TBC1D9: variants seen among roughly 807,000 people sequenced by gnomAD.
TBC1D9 encodes TBC1 domain family member 9, also known as TBC1 domain family member 9A.
A neutral mutation model predicts 132.0 loss-of-function variants in TBC1D9; 63 were observed. That is an observed-to-expected ratio of 0.48 (90% CI 0.39 to 0.59). The LOEUF (loss-of-function observed/expected upper bound fraction) is 0.59, where lower values mean the gene tolerates loss of function less well. TBC1D9 is among the 20% of genes least tolerant of loss of function. The probability of loss-of-function intolerance (pLI) is 0.00; values close to 1 mark genes in which losing one functional copy is unlikely to be tolerated. For synonymous variants in TBC1D9, 610 were observed against 609.9 expected, an observed-to-expected ratio of 1.00 and a Z score of 0.00; for missense variants, 1,261 against 1,592.7, an observed-to-expected ratio of 0.79 and a Z score of 3.54.
intron 1 of TBC1D9, among the ~76,000 whole-genome samples, chr4:140,703,447 C>T (rs76079371): frequency 0.023 from 3,539 of 152,272 alleles, 79 homozygotes; most frequent in Admixed American, 0.06. Flanking sequence ...AACTCATGTT[C>T]GGAAGAGCTC....
At chr4:140,751,722 T>A (rs1471873603) in intron 1 of TBC1D9, among the ~76,000 whole-genome samples, 3 of 152,348 alleles carry the variant, frequency 2.0e-5, no homozygotes, top group Admixed American at 6.5e-5. Context: ...ACATATTTTT[T>A]AAATTTCTAC....
intron 13 of TBC1D9, chr4:140,643,462 G>T: frequency 1.1e-6 from 1 of 906,908 alleles, no homozygotes; most frequent in East Asian, 2.5e-5. Flanking sequence ...GCCTCTTCCA[G>T]GTAGCAGGTG....
rs1473796968 is a variant in TBC1D9, at chr4:140,701,565, G to A, written c.180C>T (p.Val60=). 6.2e-6 allele frequency: 10 copies of A among 1,613,920 alleles called. No homozygotes were observed. Among genetic ancestry groups the A allele is most frequent in the Non-Finnish European group, 8.5e-6 (10 of 1,179,864 alleles). ...LDVVLDSSAR[V]APYRILYQTP... is the part of the protein sequence containing the mutation. ...TCTGGTACAAGATTCGGTAAGGAGC[G>A]ACCCGGGCGCTGGAGTCCAACACAA... The change falls in exon 2 of 21, where the codon GTC becomes GTT. Residue 60 remains valine, a synonymous_variant. Coordinates refer to ENST00000442267, the MANE Select transcript of TBC1D9 (RefSeq NM_015130.3).
chr4:140,681,322 C>T (rs1737699825), intron 3 of TBC1D9, among the ~76,000 whole-genome samples: 1 of 152,148 alleles, frequency 6.6e-6, no homozygotes, highest in Non-Finnish European at 1.5e-5. Flanking sequence ...ATTCTTTTCC[C>T]CCCACATGAA....
chr4:140,754,987 G>T (rs975522996), intron 1 of TBC1D9, among the ~76,000 whole-genome samples: 2 of 152,184 alleles, frequency 1.3e-5, no homozygotes, highest in Non-Finnish European at 2.9e-5. Context: ...GATATATGAG[G>T]TTGATATAAG....
At chr4:140,710,389 A>G (rs766911884) in intron 1 of TBC1D9, among the ~76,000 whole-genome samples, 24 of 152,300 alleles carry the variant, frequency 1.6e-4, no homozygotes, top group Non-Finnish European at 3.1e-4. Flanking sequence ...TAGAATTTTA[A>G]GCAGTATTCT....
chr4:140,635,561 GGA>G (rs1736866650), intron 15 of TBC1D9, among the ~76,000 whole-genome samples: 1 of 152,186 alleles, frequency 6.6e-6, no homozygotes. Flanking sequence ...CTGAAAAAGA[GGA>G]GAGTCAATTG....
At chr4:140,669,211 T>C (rs1205292264) in intron 8 of TBC1D9, 144 bp from the exon 9 acceptor site, 1 of 821,474 alleles carries the variant, frequency 1.2e-6, no homozygotes, top group Non-Finnish European at 1.9e-6. Flanking sequence ...TCAGATTTTC[T>C]GGAGTTCTTC....
At chr4:140,657,068 GC>G in intron 13 of TBC1D9, 28 bp downstream of exon 13, 1 of 1,610,692 alleles carries the variant, frequency 6.2e-7, no homozygotes, top group Non-Finnish European at 8.5e-7. Flanking sequence ...GCATGGTTAA[GC>G]CCTGCTCAGC....
At chr4:140,708,663 T>C (rs1738183051) in intron 1 of TBC1D9, among the ~76,000 whole-genome samples, 1 of 152,148 alleles carries the variant, frequency 6.6e-6, no homozygotes, top group South Asian at 2.1e-4. Flanking sequence ...AGCTCCATAA[T>C]TATAAATGCG....
chr4:140,669,631 C>T lies in TBC1D9; in HGVS notation c.1437+3G>A. 1.9e-6 allele frequency: 3 copies of T among 1,600,786 alleles called. No individual in the cohort carries two copies. Among genetic ancestry groups the T allele is most frequent in the Non-Finnish European group, 2.6e-6 (3 of 1,169,196 alleles). On this transcript the variant is annotated splice_donor_region_variant and intron_variant, in intron 8 of 20. Transcript: ENST00000442267. The stretch of plus-strand genomic sequence containing the variant: ...GTTTCAGGGAAAAGTGAGAGGCACC[C>T]ACCAATTTCGGGTTGAACTCCTCGG...
At chr4:140,697,186 G>T (rs954226126) in intron 2 of TBC1D9, among the ~76,000 whole-genome samples, 1 of 152,180 alleles carries the variant, frequency 6.6e-6, no homozygotes, top group Non-Finnish European at 1.5e-5. Context: ...AGATTAGCCT[G>T]GGCAACATGG....
chr4:140,674,138 G>T (rs1737586634), intron 6 of TBC1D9, among the ~76,000 whole-genome samples: 1 of 152,174 alleles, frequency 6.6e-6, no homozygotes, highest in Non-Finnish European at 1.5e-5. Flanking sequence ...TCAGAATTGG[G>T]TGAAGAAAAT....
At chr4:140,643,096 TG>T in intron 13 of TBC1D9, 1 of 1,378,932 alleles carries the variant, frequency 7.3e-7, no homozygotes, top group Non-Finnish European at 1.0e-6. Context: ...TCAGCTCCCG[TG>T]GGAGCCGCAG....
Position 140,679,616 on chromosome 4 carries a change from T to C in TBC1D9, c.588A>G (p.Glu196=). 6.2e-7 allele frequency: 1 copy of C among 1,610,756 alleles called. No homozygotes were observed. Among genetic ancestry groups the C allele is most frequent in the Non-Finnish European group, 8.5e-7 (1 of 1,177,436 alleles). Residue 196 remains glutamate (E), a splice_region_variant and synonymous_variant, in exon 4 of 21, where the codon GAA becomes GAG. Coordinates refer to ENST00000442267, the MANE Select transcript of TBC1D9 (RefSeq NM_015130.3). ...LCFYSFLMGR[E]AKLVIRWVDI... is the part of the protein sequence containing the mutation. ...CTGCTGAAATTTTAGATGACTTACCTTCCCTTCCCATAAGAAAAGAATAAA... is the reference window on the plus strand; with the variant it reads ...CTGCTGAAATTTTAGATGACTTACCCTCCCTTCCCATAAGAAAAGAATAAA...
At chr4:140,703,198 C>G (rs1377791609) in intron 1 of TBC1D9, among the ~76,000 whole-genome samples, 1 of 152,204 alleles carries the variant, frequency 6.6e-6, no homozygotes, top group Non-Finnish European at 1.5e-5. Context: ...TTGTTTGCAA[C>G]TGTTGATACT....
intron 3 of TBC1D9, among the ~76,000 whole-genome samples, chr4:140,684,900 C>T (rs916002042): frequency 2.6e-5 from 4 of 151,900 alleles, no homozygotes; most frequent in African/African-American, 9.7e-5. Context: ...CCCTCTAAAT[C>T]TGGGATAGTG....
chr4:140,643,932 T>C, intron 13 of TBC1D9: 1 of 659,196 alleles, frequency 1.5e-6, no homozygotes, highest in Non-Finnish European at 2.8e-6. Context: ...GGGGCGCTCG[T>C]CCACATCCTC....
chr4:140,653,622 T>C (rs997974436), intron 13 of TBC1D9, among the ~76,000 whole-genome samples: 2 of 151,952 alleles, frequency 1.3e-5, no homozygotes, highest in Admixed American at 1.3e-4. Context: ...ACCAATTTAA[T>C]GGTTAGGAGG....
Sources: allele counts gnomAD v4.1 joint callset (sites outside exome capture counted in the v4.1 genomes callset), GRCh38; gene constraint gnomAD v4.1.1; transcripts MANE v1.5; gene names NCBI Gene and HGNC (gene_info 2026-07-23, HGNC 2026-07-21).